TSBP1: variants seen among roughly 807,000 people sequenced by gnomAD.
TSBP1 encodes testis expressed basic protein 1.
TSBP1 carries 56 observed loss-of-function variants against 68.8 expected under a neutral mutation model. The observed-to-expected ratio is 0.81, with a 90% confidence interval of 0.66 to 1.02. TSBP1 has a LOEUF of 1.02. Among genes scored for constraint, TSBP1 ranks in the 50% least tolerant of loss-of-function variants. The pLI is 0.00. For missense variants in TSBP1, 502 were observed against 641.2 expected, an observed-to-expected ratio of 0.78 and a Z score of 2.34; for synonymous variants, 171 against 208.7, an observed-to-expected ratio of 0.82 and a Z score of 1.56.
chr6:32,370,405 C>CTGTGTG (rs147644176), intron 1 of TSBP1, among the ~76,000 whole-genome samples: 6,046 of 80,946 alleles, frequency 0.075, 281 homozygotes, highest in Non-Finnish European at 0.1. Flanking sequence ...GCAAGATTTT[C>CTGTGTG]TGTATATATA....
chr6:32,368,748 T>C, intron 3 of TSBP1, 34 bp downstream of exon 3: 1 of 1,546,474 alleles, frequency 6.5e-7, no homozygotes, highest in Non-Finnish European at 8.8e-7. Flanking sequence ...CTATAAGTAC[T>C]ATATTTATTT....
chr6:32,336,693 A>G lies in TSBP1; in HGVS notation c.410-58T>C. On this transcript the variant is annotated intron_variant, in intron 11 of 22. Transcript: ENST00000612031. The surrounding 1 kb of genome is among the most constrained non-coding windows in gnomAD (Gnocchi z 5.2). ...ACATTAATAGAATTTTCATTTTACC[A>G]GTATTGTTTCTAAAGAAACTATGAA... The G allele has an allele frequency of 6.6e-7, 1 of 1,518,304 alleles. No individual in the cohort carries two copies. Among genetic ancestry groups the G allele is most frequent in the Non-Finnish European group, 9.1e-7 (1 of 1,095,170 alleles). The allele number at this position is 1,518,304 out of a possible 1,614,324, so 94.1% of individuals were successfully genotyped here.
Position 32,355,119 on chromosome 6 carries a change from C to T in TSBP1, c.259+5G>A, listed in dbSNP as rs1011239445. On this transcript the variant is annotated splice_donor_5th_base_variant and intron_variant, in intron 8 of 22. Transcript: ENST00000612031. ...AGAATTGAAAGAAAACCACAAAGCA[C>T]TTACCTAGAGAGTTGGTTGATGGTG... 1.2e-6 allele frequency: 2 copies of T among 1,611,006 alleles called. No homozygotes were observed. Among genetic ancestry groups the T allele is most frequent in the Non-Finnish European group, 1.7e-6 (2 of 1,178,656 alleles).
At chr6:32,313,008 A>C (rs942469941) in intron 19 of TSBP1, among the ~76,000 whole-genome samples, 20 of 152,220 alleles carry the variant, frequency 1.3e-4, no homozygotes, top group Non-Finnish European at 2.5e-4. Context: ...GTTACTTCTC[A>C]TGATGCCTAG....
chr6:32,323,659 A>G, intron 16 of TSBP1, 45 bp from the exon 18 acceptor site: 2 of 1,596,302 alleles, frequency 1.3e-6, no homozygotes, highest in Non-Finnish European at 1.7e-6. Flanking sequence ...TTCTCCCATG[A>G]TATTTTCCTT....
At chr6:32,320,055 A>G (rs1357153151) in intron 18 of TSBP1, 2 of 438,066 alleles carry the variant, frequency 4.6e-6, no homozygotes, top group African/African-American at 2.0e-5. Context: ...CTTGTGAGGT[A>G]TCACTCACCA....
intron 8 of TSBP1, among the ~76,000 whole-genome samples, chr6:32,351,240 T>C (rs561794644): frequency 1.9e-4 from 29 of 152,294 alleles, no homozygotes; most frequent in African/African-American, 6.7e-4. Context: ...CCAGGCTTGT[T>C]TGTAAAGTCA....
At chr6:32,310,787 T>A (rs1035984034) in intron 19 of TSBP1, among the ~76,000 whole-genome samples, 1 of 148,980 alleles carries the variant, frequency 6.7e-6, no homozygotes, top group African/African-American at 2.5e-5. Context: ...GAAAGGATAG[T>A]CTTTCTTTTA....
chr6:32,334,662 A>T (rs1769433729), intron 14 of TSBP1, among the ~76,000 whole-genome samples: 1 of 152,212 alleles, frequency 6.6e-6, no homozygotes, highest in Non-Finnish European at 1.5e-5. Flanking sequence ...GGGATCACTC[A>T]AAGAATGTGA....
chr6:32,310,761 A>ATATTTTTTTTTTT lies in TSBP1; in HGVS notation c.580+5010_580+5011insAAAAAAAAAAATA. Among the ~76,000 whole-genome samples the ATATTTTTTTTTTT allele has an allele frequency of 2.1e-5, 3 of 144,834 alleles. No individual in the cohort carries two copies. The East Asian group carries it at 6.0e-4, about 29-fold the overall frequency. On this transcript the variant is annotated intron_variant, in intron 19 of 22. Transcript: ENST00000612031. Reference sequence around the variant, plus strand: ...TATATATACATATATATATATATATATTTTTAATCTTTTTAGAAAGGATAG... The same window carrying ATATTTTTTTTTTT: ...TATATATACATATATATATATATATATATTTTTTTTTTTTTTTTAATCTTTTTAGAAAGGATAG...
chr6:32,326,435 AT>A (rs941659381), intron 16 of TSBP1, among the ~76,000 whole-genome samples: 26 of 151,598 alleles, frequency 1.7e-4, no homozygotes, highest in Non-Finnish European at 1.3e-4. Context: ...TTTAATGTAG[AT>A]TTTTTTTTGC....
chr6:32,362,079 A>G (rs1246047157), intron 6 of TSBP1, among the ~76,000 whole-genome samples: 1 of 152,058 alleles, frequency 6.6e-6, no homozygotes, highest in Non-Finnish European at 1.5e-5. Flanking sequence ...TCACGAGGTC[A>G]GGAGATCAAG....
chr6:32,298,441 T>C (rs1305530753), intron 22 of TSBP1, among the ~76,000 whole-genome samples: 2 of 152,098 alleles, frequency 1.3e-5, no homozygotes, highest in African/African-American at 4.8e-5. Flanking sequence ...TAGCTGGGCA[T>C]GGTGGCACAT....
exon 6 of TSBP1, chr6:32,366,185 T>A (rs1773687797): frequency 6.3e-7 from 1 of 1,596,852 alleles, no homozygotes; most frequent in African/African-American, 1.4e-5. Flanking sequence ...TCATATGAAG[T>A]GTCTAGAGAA....
At chr6:32,303,492 CT>C (rs59224156) in intron 19 of TSBP1, among the ~76,000 whole-genome samples, 31,851 of 150,832 alleles carry the variant, frequency 0.21, 3,501 homozygotes, top group East Asian at 0.23. Context: ...CCACATCTGC[CT>C]TTTTTTTTGA....
rs771484680 is a variant in TSBP1 at position 32,335,899 on chromosome 6, A to G, written c.451+13T>C. ...TAAAATGCTCACTGTGGAGAATCAG[A>G]GAGCAAACTTACTGATAGGTCCTGT... On this transcript the variant is annotated intron_variant, in intron 13 of 22. Transcript: ENST00000612031. This position sits in a 1 kb window ranked among gnomAD's most constrained non-coding sequence, Gnocchi z 5.5. 6.2e-7 allele frequency: 1 copy of G among 1,600,348 alleles called. No individual in the cohort carries two copies. Among genetic ancestry groups the G allele is most frequent in the Admixed American group, 1.7e-5 (1 of 59,994 alleles).
Position 32,335,789 on chromosome 6 carries a change from TA to T in TSBP1, c.451+122del. The T allele has an allele frequency of 1.3e-6, 1 of 772,318 alleles. No homozygotes were observed. Among genetic ancestry groups the T allele is most frequent in the Non-Finnish European group, 2.2e-6 (1 of 459,742 alleles). The allele number at this position is 772,318 out of a possible 1,614,324, so 47.8% of individuals were successfully genotyped here. A position where few individuals can be genotyped will look rare whatever the true frequency, so the allele number is the denominator to read the frequency against. ...ACTGAAATGCTAGGTTGAAGAAAAA[TA>T]AGGGTTGAAGAAAATGTGAACTCCA... is the stretch of plus-strand genomic sequence containing the variant. On this transcript the variant is annotated intron_variant, in intron 13 of 22. Transcript: ENST00000612031. The surrounding 1 kb of genome is among the most constrained non-coding windows in gnomAD (Gnocchi z 5.5).
chr6:32,370,581 C>T (rs969373020), intron 1 of TSBP1, among the ~76,000 whole-genome samples: 2 of 151,926 alleles, frequency 1.3e-5, no homozygotes, highest in African/African-American at 4.8e-5. Context: ...ATGAAAGCCA[C>T]AGCAAAGGAC....
At chr6:32,331,034 T>G (rs989610748) in intron 15 of TSBP1, among the ~76,000 whole-genome samples, 2 of 152,184 alleles carry the variant, frequency 1.3e-5, no homozygotes, top group Non-Finnish European at 2.9e-5. Flanking sequence ...AATTACTAAA[T>G]CTCAGTATTC....
Sources: gnomAD v4.1 joint callset for allele counts (sites outside exome capture counted in the v4.1 genomes callset) on GRCh38, gnomAD v4.1.1 for gene constraint, Gnocchi (gnomAD v3.1) non-coding constraint, MANE v1.5 for transcripts, NCBI Gene and HGNC (gene_info 2026-07-23, HGNC 2026-07-21) for gene names.